Variants in RUFY3 observed in about 807,000 individuals in gnomAD.
RUFY3 encodes the protein RUN and FYVE domain containing 3.
RUFY3 carries 34 observed loss-of-function variants against 84.0 expected under a neutral mutation model. That is an observed-to-expected ratio of 0.40 (90% CI 0.31 to 0.54). The LOEUF is 0.54. RUFY3 is among the 20% of genes least tolerant of loss of function. The pLI is 0.39. For missense variants in RUFY3, 507 were observed against 736.8 expected (o/e 0.69, Z 3.61); for synonymous variants, 242 against 252.9 (o/e 0.96, Z 0.41).
chr4:70,705,604 G>T (rs894245846), intron 1 of RUFY3, among the ~76,000 whole-genome samples: 2 of 152,186 alleles, frequency 1.3e-5, no homozygotes, highest in Admixed American at 1.3e-4. Flanking sequence ...ACGTGCTTGG[G>T]CGGGGGCGAG....
chr4:70,802,069 A>G (rs1246246621), intron 15 of RUFY3, among the ~76,000 whole-genome samples: 1 of 152,214 alleles, frequency 6.6e-6, no homozygotes, highest in African/African-American at 2.4e-5. Context: ...ACCTAATGCA[A>G]CTTTACAGAT....
exon 1 of RUFY3, chr4:70,704,817 G>T: frequency 3.2e-6 from 2 of 622,406 alleles, no homozygotes; most frequent in Non-Finnish European, 4.5e-6. Context: ...GAGAAGAAAG[G>T]TGGCGGTGGC....
At chr4:70,739,390 T>C (rs1720935862) in intron 1 of RUFY3, among the ~76,000 whole-genome samples, 1 of 152,214 alleles carries the variant, frequency 6.6e-6, no homozygotes, top group Non-Finnish European at 1.5e-5. Flanking sequence ...AAGTGTAAAG[T>C]TGACATTGAG....
chr4:70,738,839 C>A (rs1720842190), intron 1 of RUFY3, among the ~76,000 whole-genome samples: 1 of 151,854 alleles, frequency 6.6e-6, no homozygotes, highest in African/African-American at 2.4e-5. Context: ...GTGGCATGAT[C>A]ATAGCTTATT....
intron 1 of RUFY3, among the ~76,000 whole-genome samples, chr4:70,761,090 TA>T (rs1276614765): frequency 6.6e-6 from 1 of 152,224 alleles, no homozygotes; most frequent in Admixed American, 6.5e-5. Context: ...TTAGTATTTT[TA>T]GTCTTCCTAA....
At chr4:70,786,766 C>A (rs1001969351) in intron 10 of RUFY3, among the ~76,000 whole-genome samples, 1 of 151,524 alleles carries the variant, frequency 6.6e-6, no homozygotes, top group African/African-American at 2.4e-5. Context: ...TATTAATAAC[C>A]CCTGGTATTC....
chr4:70,769,026 C>T (rs941495629), intron 5 of RUFY3, among the ~76,000 whole-genome samples: 2 of 152,106 alleles, frequency 1.3e-5, no homozygotes, highest in Non-Finnish European at 2.9e-5. Context: ...AAGCAAGTCA[C>T]ATGCATTTTT....
chr4:70,714,811 G>A (rs543713395), intron 1 of RUFY3, among the ~76,000 whole-genome samples: 2 of 152,288 alleles, frequency 1.3e-5, no homozygotes, highest in East Asian at 1.9e-4. Flanking sequence ...TGAGGCAAGA[G>A]GAGGATAAAT....
rs181984693 is a variant in RUFY3 at position 70,771,822 on chromosome 4, G to A, written c.697-1689G>A. On this transcript the variant is annotated intron_variant, in intron 5 of 17. Coordinates refer to ENST00000381006, the MANE Select transcript of RUFY3 (RefSeq NM_001037442.4). ...TGGGATTACAGGCATGAGCCATGGC[G>A]CCTGGCCTATTGTATATTTCATATG... is the stretch of plus-strand genomic sequence containing the variant. Among the ~76,000 whole-genome samples, 1,248 of 152,238 alleles carry A rather than the reference G, an allele frequency of 8.2e-3. 7 individuals carry two copies. The highest frequency in any genetic ancestry group is 0.01 in the Middle Eastern group (3 of 294).
At chr4:70,781,123 C>T (rs1180506337) in intron 8 of RUFY3, among the ~76,000 whole-genome samples, 1 of 151,358 alleles carries the variant, frequency 6.6e-6, no homozygotes, top group Non-Finnish European at 1.5e-5. Flanking sequence ...GATAGCAGAC[C>T]TCTTTTCCCC....
intron 14 of RUFY3, chr4:70,799,453 T>C (rs1423754080): frequency 7.2e-5 from 11 of 152,204 alleles, no homozygotes. Context: ...GGCACAAGAA[T>C]CACTTGAATC....
chr4:70,720,072 CCTT>C (rs1376364969), upstream of RUFY3, among the ~76,000 whole-genome samples: 2 of 152,098 alleles, frequency 1.3e-5, no homozygotes, highest in African/African-American at 4.8e-5. Flanking sequence ...AGTATACCCT[CCTT>C]CTTTTTTTTA....
intron 1 of RUFY3, among the ~76,000 whole-genome samples, chr4:70,757,247 A>T (rs973143228): frequency 6.6e-6 from 1 of 152,222 alleles, no homozygotes; most frequent in Non-Finnish European, 1.5e-5. Flanking sequence ...ACTGCACTCC[A>T]GCCTGGGTGA....
At chr4:70,766,316 C>G (rs1725907902) in intron 4 of RUFY3, among the ~76,000 whole-genome samples, 1 of 152,160 alleles carries the variant, frequency 6.6e-6, no homozygotes, top group Non-Finnish European at 1.5e-5. Context: ...GCAATCACGG[C>G]TCACTGCAGC....
intron 1 of RUFY3, among the ~76,000 whole-genome samples, chr4:70,723,004 CTAAA>C (rs1717622503): frequency 6.6e-6 from 1 of 152,118 alleles, no homozygotes; most frequent in Admixed American, 6.5e-5. Context: ...CTTTAAGCCT[CTAAA>C]TAAAACATTT....
chr4:70,705,022 AGCCGC>A lies in RUFY3; in HGVS notation c.94_98del (p.Arg32SerfsTer89). On this transcript the variant is annotated frameshift_variant, in exon 1 of 12. Coordinates refer to the RUFY3 transcript ENST00000417478. LOFTEE classifies it high-confidence loss of function. The stretch of plus-strand genomic sequence containing the variant: ...AGGGGCGGGGAGTGGCGGCCGGAGG[AGCCGC>A]GCCGCGCTCCCGCCGGGGGCACGGA... 10 of 1,222,428 alleles carry A rather than the reference AGCCGC, an allele frequency of 8.2e-6. No individual in the cohort carries two copies. Among genetic ancestry groups the A allele is most frequent in the Non-Finnish European group, 9.1e-6 (9 of 984,564 alleles). The allele number at this position is 1,222,428 out of a possible 1,614,324, so 75.7% of individuals were successfully genotyped here.
upstream of RUFY3, chr4:70,704,143 G>C (rs1739991297): frequency 6.6e-6 from 1 of 152,236 alleles, no homozygotes; most frequent in Non-Finnish European, 1.5e-5. Flanking sequence ...TAAGCTGTTT[G>C]ATTTAAAATG....
intron 8 of RUFY3, among the ~76,000 whole-genome samples, chr4:70,779,583 T>C (rs1728553137): frequency 6.6e-6 from 1 of 151,352 alleles, no homozygotes; most frequent in Admixed American, 6.6e-5. Flanking sequence ...TATTTCTTTT[T>C]CTTTTTTTTT....
chr4:70,784,621 C>A (rs1210513829), intron 9 of RUFY3, among the ~76,000 whole-genome samples, 175 bp from the exon 10 acceptor site: 1 of 152,160 alleles, frequency 6.6e-6, no homozygotes, highest in African/African-American at 2.4e-5. Flanking sequence ...TGTCAGGAAG[C>A]CCCCAATTCA....
Sources: allele counts gnomAD v4.1 joint callset (sites outside exome capture counted in the v4.1 genomes callset), GRCh38; gene constraint gnomAD v4.1.1; transcripts MANE v1.5; gene names NCBI Gene and HGNC (gene_info 2026-07-23, HGNC 2026-07-21).